Variants in DCLK1 observed in about 807,000 individuals in gnomAD.
DCLK1 encodes serine/threonine-protein kinase DCLK1.
DCLK1 carries 16 observed loss-of-function variants against 86.2 expected under a neutral mutation model. The observed-to-expected ratio is 0.19, with a 90% CI of 0.13 to 0.28. The LOEUF (loss-of-function observed/expected upper bound fraction) is 0.28. DCLK1 is among the 10% of genes least tolerant of loss of function. The probability of loss-of-function intolerance (pLI) is 1.00; values close to 1 mark genes in which losing one functional copy is unlikely to be tolerated. For missense variants in DCLK1, 590 were observed against 940.2 expected, an observed-to-expected ratio of 0.63 and a Z score of 4.87; for synonymous variants, 369 against 370.5, an observed-to-expected ratio of 1.00 and a Z score of 0.05.
At position 36,074,004 on chromosome 13, in the gene DCLK1, T is replaced by A. The variant is rs59762180; in HGVS notation, c.723+37865A>T. On this transcript the variant is annotated intron_variant, in intron 3 of 16. Coordinates refer to ENST00000360631, the MANE Select transcript of DCLK1 (RefSeq NM_001330071.2). Reference sequence around the variant, plus strand: ...GTGGGTTACAGTTCTTTGTTTTTTGTTTTAATTGGATAACCATTTAGTTAT... The same window carrying A: ...GTGGGTTACAGTTCTTTGTTTTTTGATTTAATTGGATAACCATTTAGTTAT... Among the ~76,000 whole-genome samples the A allele has an allele frequency of 6.4e-3, 977 of 152,312 alleles. 17 individuals carry two copies. Among genetic ancestry groups the A allele is most frequent in the African/African-American group, 0.023 (941 of 41,562 alleles).
At chr13:35,791,844 GA>G (rs2086712665) in intron 16 of DCLK1, among the ~76,000 whole-genome samples, 1 of 152,214 alleles carries the variant, frequency 6.6e-6, no homozygotes, top group Admixed American at 6.5e-5. Context: ...CCCTTTCATG[GA>G]CAAGCATGCT....
chr13:35,854,688 G>A (rs1870921681), intron 5 of DCLK1, 95 bp from the exon 6 acceptor site: 1 of 1,101,760 alleles, frequency 9.1e-7, no homozygotes, highest in South Asian at 2.2e-5. Context: ...ATTATATAGA[G>A]AGCCATCTAC....
intron 2 of DCLK1, among the ~76,000 whole-genome samples, chr13:36,124,291 G>A (rs1262362713): frequency 1.3e-5 from 2 of 152,202 alleles, no homozygotes; most frequent in Admixed American, 1.3e-4. Context: ...AGCTGAAACA[G>A]TAAAATTTCA....
intron 3 of DCLK1, among the ~76,000 whole-genome samples, chr13:35,987,268 T>C (rs903765281): frequency 6.6e-6 from 1 of 151,968 alleles, no homozygotes; most frequent in African/African-American, 2.4e-5. Context: ...CTAAAAAAAA[T>C]ACAAAAATTT....
intron 5 of DCLK1, among the ~76,000 whole-genome samples, chr13:35,857,369 C>T (rs1028973258): frequency 6.6e-6 from 1 of 152,056 alleles, no homozygotes; most frequent in Non-Finnish European, 1.5e-5. Flanking sequence ...TGCATGTGCA[C>T]CCAGAGGACC....
chr13:36,063,042 T>C (rs1193990665), intron 3 of DCLK1, among the ~76,000 whole-genome samples: 1 of 152,190 alleles, frequency 6.6e-6, no homozygotes, highest in Non-Finnish European at 1.5e-5. Context: ...AGTGGCCTCA[T>C]GAGAACAGGA....
intron 5 of DCLK1, among the ~76,000 whole-genome samples, chr13:35,868,151 T>C (rs1396522456): frequency 1.3e-5 from 2 of 151,232 alleles, no homozygotes; most frequent in East Asian, 1.9e-4. Flanking sequence ...GCCTCCCGAG[T>C]AGCTGGGACT....
chr13:35,779,340 C>T (rs1191308303), intron 16 of DCLK1, among the ~76,000 whole-genome samples: 1 of 152,168 alleles, frequency 6.6e-6, no homozygotes, highest in African/African-American at 2.4e-5. Context: ...TCTTCCTAAA[C>T]TCCTTAGGCA....
intron 2 of DCLK1, 98 bp from the exon 3 acceptor site, chr13:36,112,313 A>T (rs1478126879): frequency 1.1e-6 from 1 of 901,324 alleles, no homozygotes; most frequent in East Asian, 2.7e-5. Flanking sequence ...TAGGGGCAAG[A>T]GCTAGCCCTG....
intron 3 of DCLK1, among the ~76,000 whole-genome samples, chr13:36,009,771 G>C (rs1346006889): frequency 8.3e-6 from 1 of 120,558 alleles, no homozygotes; most frequent in Non-Finnish European, 1.7e-5. Context: ...GAAAGTCATT[G>C]GTAGCTTGAT....
chr13:35,899,662 A>G (rs1369302501), intron 4 of DCLK1, among the ~76,000 whole-genome samples: 1 of 152,226 alleles, frequency 6.6e-6, no homozygotes, highest in Non-Finnish European at 1.5e-5. Flanking sequence ...TTTTTACTAC[A>G]ACACTGTACA....
chr13:35,879,411 A>C (rs1872759017), intron 4 of DCLK1, among the ~76,000 whole-genome samples: 1 of 152,198 alleles, frequency 6.6e-6, no homozygotes, highest in African/African-American at 2.4e-5. Flanking sequence ...TTTCTGTATT[A>C]ACATCTCAAG....
At chr13:36,073,625 G>A (rs572418361) in intron 3 of DCLK1, among the ~76,000 whole-genome samples, 84 of 152,270 alleles carry the variant, frequency 5.5e-4, no homozygotes, top group African/African-American at 1.9e-3. Context: ...GTCCTGTTAG[G>A]GTTTAATTCC....
intron 3 of DCLK1, among the ~76,000 whole-genome samples, chr13:35,974,468 C>T (rs1708354722): frequency 6.6e-6 from 1 of 152,124 alleles, no homozygotes; most frequent in Non-Finnish European, 1.5e-5. Flanking sequence ...AGTCTCATGT[C>T]GAATTGTAAT....
At chr13:35,788,790 C>T (rs2153098869) in intron 16 of DCLK1, among the ~76,000 whole-genome samples, 1 of 152,222 alleles carries the variant, frequency 6.6e-6, no homozygotes, top group Admixed American at 6.5e-5. Context: ...TCTTCAAAAG[C>T]AGAGCTACTC....
At chr13:36,122,705 A>AT (rs1456027245) in intron 2 of DCLK1, among the ~76,000 whole-genome samples, 1 of 152,162 alleles carries the variant, frequency 6.6e-6, no homozygotes, top group African/African-American at 2.4e-5. Flanking sequence ...AAGCATCATG[A>AT]TTTTTTTAAA....
intron 3 of DCLK1, among the ~76,000 whole-genome samples, chr13:36,077,841 T>C (rs907945083): frequency 1.2e-4 from 18 of 152,224 alleles, no homozygotes; most frequent in African/African-American, 4.1e-4. Flanking sequence ...CCCTGGCCAA[T>C]GCTGATGTCG....
In DCLK1 at chr13:35,885,469, G is replaced by A. The variant is rs907480406; in HGVS notation, c.824-14129C>T. On this transcript the variant is annotated intron_variant, in intron 4 of 16. Transcript: ENST00000360631. ...AAGTAATCAGAATGTCATAATAAAT[G>A]ACAGGCTGAAGCTCTGTGCTTATTT... Among the ~76,000 whole-genome samples the A allele has an allele frequency of 2.6e-4, 40 of 152,280 alleles. 2 individuals are homozygous for A. Among genetic ancestry groups the A allele is most frequent in the African/African-American group, 2.4e-5 (1 of 41,564 alleles).
intron 16 of DCLK1, among the ~76,000 whole-genome samples, chr13:35,792,047 G>A (rs1232766804): frequency 6.6e-6 from 1 of 152,184 alleles, no homozygotes; most frequent in Non-Finnish European, 1.5e-5. Flanking sequence ...AGATGTAAAG[G>A]TTAATTTACT....
Sources: allele counts gnomAD v4.1 joint callset (sites outside exome capture counted in the v4.1 genomes callset), GRCh38; gene constraint gnomAD v4.1.1; transcripts MANE v1.5; gene names NCBI Gene and HGNC (gene_info 2026-07-23, HGNC 2026-07-21).